Variants in ZNF704 observed in about 807,000 individuals in gnomAD.
ZNF704 encodes the protein zinc finger protein 704.
ZNF704 carries 10 observed loss-of-function variants against 44.7 expected under a neutral mutation model. The observed-to-expected ratio is 0.22, with a 90% CI of 0.14 to 0.38. The LOEUF (loss-of-function observed/expected upper bound fraction) is 0.38, where lower values mean the gene tolerates loss of function less well. Among genes scored for constraint, ZNF704 ranks in the 10% least tolerant of loss-of-function variants. ZNF704 has a pLI of 1.00. For synonymous variants in ZNF704, 211 were observed against 207.6 expected (o/e 1.02, Z -0.14); for missense variants, 390 against 545.5 (o/e 0.71, Z 2.84).
chr8:80,717,548 T>C (rs1405753481), intron 2 of ZNF704, among the ~76,000 whole-genome samples: 1 of 152,196 alleles, frequency 6.6e-6, no homozygotes, highest in African/African-American at 2.4e-5. Context: ...ACAAAAACCT[T>C]TGCTGCCTCC....
At chr8:80,763,645 C>T (rs1030271581) in intron 2 of ZNF704, among the ~76,000 whole-genome samples, 1 of 152,218 alleles carries the variant, frequency 6.6e-6, no homozygotes, top group African/African-American at 2.4e-5. Flanking sequence ...GTCCTGGAGA[C>T]ATTTCCCCCA....
the ZNF704 span, among the ~76,000 whole-genome samples, chr8:80,879,829 C>T: frequency 6.6e-6 from 1 of 152,078 alleles, no homozygotes; most frequent in Non-Finnish European, 1.5e-5. Flanking sequence ...ATTTTCATAT[C>T]TCTGAGGCTT....
intron 2 of ZNF704, among the ~76,000 whole-genome samples, chr8:80,737,240 C>A (rs930422828): frequency 6.6e-6 from 1 of 152,172 alleles, no homozygotes; most frequent in African/African-American, 2.4e-5. Context: ...ATTTGGGAGC[C>A]ACTTGGCTGA....
At chr8:80,851,933 G>C (rs919258082) in intron 1 of ZNF704, among the ~76,000 whole-genome samples, 8 of 144,232 alleles carry the variant, frequency 5.5e-5, no homozygotes, top group African/African-American at 2.3e-4. Context: ...AGCTCATCCA[G>C]GCATGACCTC....
In ZNF704 at chr8:80,641,394, T is replaced by C; in HGVS notation, c.1211A>G (p.Lys404Arg). ...RDMWCTACRW[K>R]KACQRFLD ...GTCGAGGAACCTCTGGCAGGCCTTC[T>C]TCCAGCGGCAGGCGGTACACCACAT... Residue 404 changes from lysine to arginine, a missense_variant, in exon 9 of 9, where the codon AAG becomes AGG. Lys to Arg is a conservative substitution (Grantham distance 26, BLOSUM62 2). Coordinates refer to ENST00000327835, the MANE Select transcript of ZNF704 (RefSeq NM_001033723.3). 1 of 1,613,288 alleles carries C rather than the reference T, an allele frequency of 6.2e-7. No individual in the cohort carries two copies.
At chr8:80,724,569 T>C (rs1048899156) in intron 2 of ZNF704, among the ~76,000 whole-genome samples, 2 of 152,136 alleles carry the variant, frequency 1.3e-5, no homozygotes, top group Admixed American at 1.3e-4. Flanking sequence ...GTCCAGACCT[T>C]CTAAAACTGT....
intron 2 of ZNF704, among the ~76,000 whole-genome samples, chr8:80,765,145 AC>A (rs1807207613): frequency 6.6e-6 from 1 of 152,158 alleles, no homozygotes; most frequent in South Asian, 2.1e-4. Context: ...TGGGGGGGCC[AC>A]TGGTGAAAGC....
At chr8:80,689,594 C>T (rs1338570178) in intron 3 of ZNF704, among the ~76,000 whole-genome samples, 2 of 152,086 alleles carry the variant, frequency 1.3e-5, no homozygotes, top group African/African-American at 4.8e-5. Context: ...TTGGCAGGCC[C>T]GGGTGGCTTA....
At chr8:80,839,438 T>C (rs1808638718) in intron 1 of ZNF704, among the ~76,000 whole-genome samples, 1 of 152,240 alleles carries the variant, frequency 6.6e-6, no homozygotes, top group Admixed American at 6.5e-5. Context: ...TAACTTGTAT[T>C]GTGCTAATTC....
chr8:80,760,726 G>C (rs958183163), intron 2 of ZNF704, among the ~76,000 whole-genome samples: 3 of 151,528 alleles, frequency 2.0e-5, no homozygotes, highest in Admixed American at 6.6e-5. Flanking sequence ...AAGAAAAGAG[G>C]TTTCATTTAT....
chr8:80,791,985 C>T, intron 2 of ZNF704, among the ~76,000 whole-genome samples: 1 of 152,030 alleles, frequency 6.6e-6, no homozygotes, highest in Non-Finnish European at 1.5e-5. Flanking sequence ...CAGTGTTGGC[C>T]CACAAACATT....
chr8:80,688,270 G>A (rs1346475632), intron 3 of ZNF704, among the ~76,000 whole-genome samples: 1 of 152,154 alleles, frequency 6.6e-6, no homozygotes, highest in Non-Finnish European at 1.5e-5. Flanking sequence ...ACATTTATAG[G>A]AAGTTAGTCT....
chr8:80,666,083 T>C (rs1420937783), intron 5 of ZNF704, among the ~76,000 whole-genome samples: 1 of 151,604 alleles, frequency 6.6e-6, no homozygotes. Context: ...CATCTAGCAT[T>C]AGGTATATCT....
intron 2 of ZNF704, among the ~76,000 whole-genome samples, chr8:80,724,781 T>A (rs1806446682): frequency 6.6e-6 from 1 of 152,186 alleles, no homozygotes; most frequent in African/African-American, 2.4e-5. Context: ...TCATTGTCTC[T>A]CTGCCGAGTC....
At chr8:80,664,730 T>C (rs7018449) in intron 6 of ZNF704, 85 bp downstream of exon 6, 117,211 of 1,535,786 alleles carry the variant, frequency 0.076, 8,639 homozygotes, top group African/African-American at 0.39. Flanking sequence ...GTTTTTCCAC[T>C]GAGTTGTCTT....
At chr8:80,876,376 C>T (rs1809356249), upstream of ZNF704, among the ~76,000 whole-genome samples, 2 of 152,220 alleles carry the variant, frequency 1.3e-5, no homozygotes, top group South Asian at 2.1e-4. Flanking sequence ...TAAGAAAGAA[C>T]ATTAAGGTGG....
At chr8:80,799,651 C>CT (rs955404888) in intron 2 of ZNF704, among the ~76,000 whole-genome samples, 3 of 152,130 alleles carry the variant, frequency 2.0e-5, no homozygotes, top group African/African-American at 7.2e-5. Context: ...ACAAAAACCC[C>CT]ATTTTAAGGT....
Position 80,634,895 on chromosome 8 carries a change from C to CA in ZNF704, c.*6470dup, listed in dbSNP as rs1817642096. ...GGGACTTTAATGCTAACAATGGAGA[C>CA]ATTCCAAGGAGTGAAAACAGAGATT... On this transcript the variant is annotated 3_prime_UTR_variant, in exon 9 of 9. Transcript: ENST00000327835. The CA allele has an allele frequency of 6.6e-6, 1 of 152,202 alleles. No individual in the cohort carries two copies. Among genetic ancestry groups the CA allele is most frequent in the African/African-American group, 2.4e-5 (1 of 41,436 alleles). 9.4% of individuals were successfully genotyped at this position (152,202 alleles called of 1,614,324 possible).
chr8:80,721,681 T>C (rs1352500513), intron 2 of ZNF704, among the ~76,000 whole-genome samples: 1 of 152,188 alleles, frequency 6.6e-6, no homozygotes, highest in Non-Finnish European at 1.5e-5. Flanking sequence ...CCAAATTGAC[T>C]AGGCAGTTTT....
Sources: gnomAD v4.1 joint callset for allele counts (sites outside exome capture counted in the v4.1 genomes callset) on GRCh38, gnomAD v4.1.1 for gene constraint, MANE v1.5 for transcripts, NCBI Gene and HGNC (gene_info 2026-07-23, HGNC 2026-07-21) for gene names.